The following EXT1 variants were observed in gnomAD, a reference collection of about 807,000 sequenced individuals.
EXT1 encodes exostosin glycosyltransferase 1, also known as exostosin-1.
EXT1 carries 20 observed loss-of-function variants against 82.5 expected under a neutral mutation model. The observed-to-expected ratio is 0.24, with a 90% CI of 0.17 to 0.35. EXT1 has a LOEUF of 0.35. Ranked by LOEUF, EXT1 falls within the 10% of genes least tolerant of loss-of-function variation. EXT1 has a pLI of 1.00. For missense variants in EXT1, 757 were observed against 936.5 expected (o/e 0.81, Z 2.50); for synonymous variants, 348 against 350.8 (o/e 0.99, Z 0.09).
Position 117,861,526 on chromosome 8 carries a change from G to GTGTT in EXT1, c.963-24326_963-24325insAACA, listed in dbSNP as rs1221699841. Among the ~76,000 whole-genome samples the GTGTT allele has an allele frequency of 4.1e-3, 341 of 82,862 alleles. 7 individuals carry two copies. Among genetic ancestry groups the GTGTT allele is most frequent in the Admixed American group, 8.4e-3 (44 of 5,248 alleles). 54.4% of individuals were successfully genotyped at this position (82,862 alleles called of 152,430 possible). On this transcript the variant is annotated intron_variant, in intron 1 of 10. Coordinates refer to ENST00000378204, the MANE Select transcript of EXT1 (RefSeq NM_000127.3). ...TTTTTTTTTTTTGAGATAGAGTCTTGCTCTGTCACCCAGGCTGGAGGGCAG... is the reference window on the plus strand; with the variant it reads ...TTTTTTTTTTTTGAGATAGAGTCTTGTGTTCTCTGTCACCCAGGCTGGAGGGCAG...
At chr8:117,948,711 C>CCAA (rs1814435627) in intron 1 of EXT1, among the ~76,000 whole-genome samples, 2 of 152,190 alleles carry the variant, frequency 1.3e-5, no homozygotes, top group Non-Finnish European at 2.9e-5. Context: ...CCATGTATAG[C>CCAA]CAACAATGGC....
intron 1 of EXT1, among the ~76,000 whole-genome samples, chr8:118,105,075 G>A (rs369013956): frequency 1.1e-4 from 16 of 152,256 alleles, no homozygotes; most frequent in East Asian, 9.7e-4. Flanking sequence ...GTTTGCCTCC[G>A]TTTACACACC....
At chr8:117,804,937 T>C (rs992194240) in intron 9 of EXT1, 44 bp from the exon 10 acceptor site, 4 of 1,596,704 alleles carry the variant, frequency 2.5e-6, no homozygotes, top group Non-Finnish European at 3.4e-6. Flanking sequence ...CATTATCACA[T>C]GATGACAAGT....
chr8:117,872,832 A>C (rs1468114898), intron 1 of EXT1, among the ~76,000 whole-genome samples: 1 of 151,954 alleles, frequency 6.6e-6, no homozygotes, highest in Admixed American at 6.6e-5. Flanking sequence ...GAGAAAAAAA[A>C]AAAAAAAAGA....
chr8:117,859,184 T>C (rs904974946), intron 1 of EXT1, among the ~76,000 whole-genome samples: 1 of 152,248 alleles, frequency 6.6e-6, no homozygotes, highest in African/African-American at 2.4e-5. Context: ...TTTGCTTTAT[T>C]GTGCTCTTTG....
chr8:117,859,994 A>G (rs1366258697), intron 1 of EXT1, among the ~76,000 whole-genome samples: 3 of 151,944 alleles, frequency 2.0e-5, no homozygotes, highest in Non-Finnish European at 4.4e-5. Context: ...TAAAAATACA[A>G]AAATTAGCCG....
intron 1 of EXT1, among the ~76,000 whole-genome samples, chr8:118,023,105 A>G (rs1240891751): frequency 6.6e-6 from 1 of 152,214 alleles, no homozygotes; most frequent in Non-Finnish European, 1.5e-5. Flanking sequence ...AATTGTAAGT[A>G]TTCAAAATGT....
intron 1 of EXT1, among the ~76,000 whole-genome samples, chr8:117,837,920 A>G (rs1311635104): frequency 6.6e-6 from 1 of 151,984 alleles, no homozygotes; most frequent in East Asian, 1.9e-4. Context: ...AGATGAATTT[A>G]TTTTACTCAA....
chr8:118,109,220 A>C (rs1267753914), intron 1 of EXT1, among the ~76,000 whole-genome samples: 1 of 151,980 alleles, frequency 6.6e-6, no homozygotes, highest in Non-Finnish European at 1.5e-5. Context: ...AACTTGCCTC[A>C]CTACAGAGGG....
rs1236484116 is a variant in EXT1, at chr8:117,795,504, A to G, written c.*4208T>C. 2.0e-5 allele frequency: 3 copies of G among 151,398 alleles called. No homozygotes were observed. The highest frequency in any genetic ancestry group is 7.3e-5 in the African/African-American group (3 of 41,174). 9.4% of individuals were successfully genotyped at this position (151,398 alleles called of 1,614,324 possible). A position where few individuals can be genotyped will look rare whatever the true frequency, so the allele number is the denominator to read the frequency against. Reference sequence around the variant, plus strand: ...AAGCTTTTTTTTTTTTTTAAAGAAAAAAAAAAGGGGGGCCAGGCGCAGTGG... The same window carrying G: ...AAGCTTTTTTTTTTTTTTAAAGAAAGAAAAAAGGGGGGCCAGGCGCAGTGG... On this transcript the variant is annotated 3_prime_UTR_variant, in exon 11 of 11. Transcript: ENST00000378204.
chr8:117,969,071 G>C (rs1287555957), intron 1 of EXT1, among the ~76,000 whole-genome samples: 1 of 151,922 alleles, frequency 6.6e-6, no homozygotes, highest in Non-Finnish European at 1.5e-5. Context: ...TTTTACGAAT[G>C]AAATAATTAG....
At chr8:117,854,023 C>T (rs1185599831) in intron 1 of EXT1, among the ~76,000 whole-genome samples, 3 of 152,250 alleles carry the variant, frequency 2.0e-5, no homozygotes, top group Non-Finnish European at 4.4e-5. Context: ...GGAGCGCTGG[C>T]CTCAGCCCTT....
intron 1 of EXT1, among the ~76,000 whole-genome samples, chr8:118,034,573 A>G (rs1297990214): frequency 6.6e-6 from 1 of 152,154 alleles, no homozygotes; most frequent in Non-Finnish European, 1.5e-5. Flanking sequence ...TCACACAGAT[A>G]TTAATGTGAC....
intron 1 of EXT1, among the ~76,000 whole-genome samples, chr8:118,081,906 C>T (rs1015617302): frequency 2.0e-5 from 3 of 152,012 alleles, no homozygotes; most frequent in East Asian, 1.9e-4. Flanking sequence ...TCACAAAAAC[C>T]GAGAGCAAAA....
chr8:117,937,163 A>G (rs1438659528), intron 1 of EXT1, among the ~76,000 whole-genome samples: 1 of 152,144 alleles, frequency 6.6e-6, no homozygotes, highest in Non-Finnish European at 1.5e-5. Flanking sequence ...ATTTTCCCAG[A>G]GTGGCTGTAT....
chr8:117,907,994 G>C (rs533710704), intron 1 of EXT1, among the ~76,000 whole-genome samples: 1 of 152,124 alleles, frequency 6.6e-6, no homozygotes, highest in African/African-American at 2.4e-5. Context: ...AAATTAAAGG[G>C]CAATCGTAAA....
intron 1 of EXT1, among the ~76,000 whole-genome samples, chr8:117,868,350 G>T (rs1307706676): frequency 2.0e-5 from 3 of 152,216 alleles, no homozygotes; most frequent in African/African-American, 7.2e-5. Flanking sequence ...TAAGCCACAA[G>T]CACATCATCA....
chr8:117,854,268 T>C (rs1487149321), intron 1 of EXT1, among the ~76,000 whole-genome samples: 1 of 152,170 alleles, frequency 6.6e-6, no homozygotes, highest in Non-Finnish European at 1.5e-5. Context: ...TTTTCATCCA[T>C]CTGCCTCCTA....
At chr8:118,064,984 C>G (rs976228374) in intron 1 of EXT1, among the ~76,000 whole-genome samples, 1 of 151,854 alleles carries the variant, frequency 6.6e-6, no homozygotes, top group South Asian at 2.1e-4. Flanking sequence ...TCCTGAGTAG[C>G]CAGGATTACA....
Sources: gnomAD v4.1 joint callset for allele counts (sites outside exome capture counted in the v4.1 genomes callset) on GRCh38, gnomAD v4.1.1 for gene constraint, MANE v1.5 for transcripts, NCBI Gene and HGNC (gene_info 2026-07-23, HGNC 2026-07-21) for gene names.